The following NAALADL2 variants were observed in gnomAD, a reference collection of about 807,000 sequenced individuals.
NAALADL2 encodes the protein N-acetylated alpha-linked acidic dipeptidase like 2.
A neutral mutation model predicts 87.2 loss-of-function variants in NAALADL2; 76 were observed. The observed-to-expected ratio is 0.87, with a 90% CI of 0.72 to 1.05. The LOEUF (loss-of-function observed/expected upper bound fraction) is 1.05, where lower values mean the gene tolerates loss of function less well. Ranked by LOEUF, NAALADL2 falls within the 50% of genes least tolerant of loss-of-function variation. The pLI, the probability that NAALADL2 is intolerant of heterozygous loss-of-function variation, is 0.00. For missense variants in NAALADL2, 1,089 were observed against 945.8 expected (o/e 1.15, Z -1.99); for synonymous variants, 354 against 331.0 (o/e 1.07, Z -0.75).
At chr3:175,323,175 C>A (rs865775438) in intron 4 of NAALADL2, among the ~76,000 whole-genome samples, 37 of 150,060 alleles carry the variant, frequency 2.5e-4, no homozygotes, top group African/African-American at 8.9e-4. Flanking sequence ...ATGATGAGTT[C>A]ATGTCCTTTG....
At chr3:175,651,367 T>C (rs1180739052) in intron 11 of NAALADL2, among the ~76,000 whole-genome samples, 1 of 152,182 alleles carries the variant, frequency 6.6e-6, no homozygotes, top group Non-Finnish European at 1.5e-5. Context: ...CTCTATGTTA[T>C]GGGCTTGAAT....
chr3:174,736,140 CAG>C (rs919127728), intron 2 of NAALADL2, among the ~76,000 whole-genome samples: 8 of 152,228 alleles, frequency 5.3e-5, no homozygotes, highest in Middle Eastern at 3.4e-3. Context: ...CTCAGAGCCC[CAG>C]AGAGAGTGTC....
intron 2 of NAALADL2, among the ~76,000 whole-genome samples, chr3:175,195,806 A>G (rs4350929): frequency 0.37 from 56,613 of 151,672 alleles, 11,759 homozygotes; most frequent in East Asian, 0.52. Context: ...CAATGACAGT[A>G]TCTTCAATGC....
chr3:175,096,868 T>G lies in NAALADL2; in HGVS notation c.122T>G (p.Leu41Arg). 5 of 1,612,768 alleles carry G rather than the reference T, an allele frequency of 3.1e-6. No homozygotes were observed. The highest frequency in any genetic ancestry group is 4.2e-6 in the Non-Finnish European group (5 of 1,179,368). Residue 41 changes from leucine to arginine, a missense_variant, in exon 2 of 14, where the codon CTT (leucine) becomes CGT (arginine). By Grantham distance (102) the Leu-to-Arg change is moderately radical. Coordinates refer to ENST00000454872, the MANE Select transcript of NAALADL2 (RefSeq NM_207015.3). ...GHSQYLDNDD[L>R]QATALDLEWD... is the part of the protein sequence containing the mutation. ...TCACAGTACTTAGACAATGATGACC[T>G]TCAAGCCACTGCCCTTGACTTAGAG... is the stretch of plus-strand genomic sequence containing the variant.
rs945097034 is a variant in NAALADL2, at chr3:174,641,131, C to T, written c.-115+90494C>T. Among the ~76,000 whole-genome samples the T allele has an allele frequency of 4.6e-5, 7 of 152,068 alleles. No homozygotes were observed. In the East Asian group the frequency reaches 5.9e-4, roughly 13 times the overall value. On this transcript the variant is annotated intron_variant, in intron 2 of 3. Transcript: ENST00000434257. Reference sequence around the variant, plus strand: ...TGCTCAGGTGCGCCCTTTAAGAGGCCGGAAGCTGCAGAGCCGCCCCCTCCT... The same window carrying T: ...TGCTCAGGTGCGCCCTTTAAGAGGCTGGAAGCTGCAGAGCCGCCCCCTCCT...
intron 10 of NAALADL2, among the ~76,000 whole-genome samples, chr3:175,622,875 A>G (rs766508804): frequency 1.2e-4 from 18 of 152,208 alleles, no homozygotes; most frequent in Non-Finnish European, 2.2e-4. Flanking sequence ...ACAAGGTTTT[A>G]GTAATCTTAA....
At chr3:174,563,448 A>C (rs904167115) in intron 2 of NAALADL2, among the ~76,000 whole-genome samples, 1 of 151,830 alleles carries the variant, frequency 6.6e-6, no homozygotes, top group South Asian at 2.1e-4. Flanking sequence ...CATACTCTTA[A>C]AAATGTGGGA....
intron 2 of NAALADL2, among the ~76,000 whole-genome samples, chr3:175,197,218 A>G (rs557149761): frequency 6.6e-6 from 1 of 152,136 alleles, no homozygotes; most frequent in South Asian, 2.1e-4. Flanking sequence ...TTAAGTCTGC[A>G]TATGTCTGTA....
At chr3:175,304,882 T>C (rs1051976527) in intron 4 of NAALADL2, among the ~76,000 whole-genome samples, 8 of 152,198 alleles carry the variant, frequency 5.3e-5, no homozygotes, top group Admixed American at 2.0e-4. Flanking sequence ...TATTAAATAA[T>C]TCCTTTATCA....
chr3:175,776,261 C>G (rs1187272093), intron 13 of NAALADL2: 1 of 152,136 alleles, frequency 6.6e-6, no homozygotes, highest in African/African-American at 2.4e-5. Flanking sequence ...CTCCATTTGA[C>G]ATACCTCCCC....
intron 2 of NAALADL2, among the ~76,000 whole-genome samples, chr3:174,674,691 A>G (rs926683637): frequency 6.6e-6 from 1 of 152,038 alleles, no homozygotes; most frequent in Admixed American, 6.6e-5. Context: ...TTGATGAGGA[A>G]ACAGGGTCTA....
At chr3:175,243,684 G>C (rs1170249365) in intron 3 of NAALADL2, among the ~76,000 whole-genome samples, 1 of 151,888 alleles carries the variant, frequency 6.6e-6, no homozygotes, top group Non-Finnish European at 1.5e-5. Context: ...ACACTGCTCT[G>C]TAGTGTTAGA....
intron 4 of NAALADL2, among the ~76,000 whole-genome samples, chr3:175,300,086 T>A (rs1308198905): frequency 2.6e-5 from 4 of 152,136 alleles, no homozygotes; most frequent in Non-Finnish European, 5.9e-5. Flanking sequence ...TGATGGATTA[T>A]GTTTATTGAT....
intron 9 of NAALADL2, among the ~76,000 whole-genome samples, chr3:175,511,365 C>G (rs9839360): frequency 0.74 from 113,053 of 152,126 alleles, 43,199 homozygotes; most frequent in East Asian, 0.88. Context: ...GGCTGTCAGC[C>G]TAGGTTCTAA....
At chr3:174,987,205 C>G (rs921496294) in intron 1 of NAALADL2, among the ~76,000 whole-genome samples, 1 of 152,062 alleles carries the variant, frequency 6.6e-6, no homozygotes, top group African/African-American at 2.4e-5. Flanking sequence ...TATGTACATG[C>G]TTAATAAAAA....
chr3:175,049,427 C>T (rs922907649), intron 1 of NAALADL2, among the ~76,000 whole-genome samples: 18 of 152,090 alleles, frequency 1.2e-4, no homozygotes, highest in African/African-American at 4.3e-4. Context: ...GTTTTTGTAA[C>T]AGAAAACCTG....
chr3:174,975,028 C>T (rs1040725384), intron 1 of NAALADL2, among the ~76,000 whole-genome samples: 1 of 151,956 alleles, frequency 6.6e-6, no homozygotes, highest in Non-Finnish European at 1.5e-5. Flanking sequence ...ATTAATTGCC[C>T]TTTAAAGTAA....
At chr3:174,547,937 A>G (rs1334881575) in intron 1 of NAALADL2, among the ~76,000 whole-genome samples, 2 of 152,230 alleles carry the variant, frequency 1.3e-5, no homozygotes, top group Non-Finnish European at 1.5e-5. Flanking sequence ...CATTGATGTC[A>G]TCATGTTCTT....
intron 5 of NAALADL2, among the ~76,000 whole-genome samples, chr3:175,387,528 T>C (rs944511565): frequency 6.6e-6 from 1 of 152,082 alleles, no homozygotes; most frequent in African/African-American, 2.4e-5. Flanking sequence ...ATTTAGGAAC[T>C]GTTTTACTTT....
Sources: allele counts gnomAD v4.1 joint callset (sites outside exome capture counted in the v4.1 genomes callset), GRCh38; gene constraint gnomAD v4.1.1; transcripts MANE v1.5; gene names NCBI Gene and HGNC (gene_info 2026-07-23, HGNC 2026-07-21).